PARVG: variants seen among roughly 807,000 people sequenced by gnomAD.
The protein encoded by PARVG is gamma-parvin.
PARVG carries 36 observed loss-of-function variants against 44.4 expected under a neutral mutation model. That is an observed-to-expected ratio of 0.81 (90% CI 0.62 to 1.07). PARVG has a LOEUF of 1.07. Among genes scored for constraint, PARVG ranks in the 50% least tolerant of loss-of-function variants. PARVG has a pLI of 0.00. For missense variants in PARVG, 407 were observed against 407.4 expected, an observed-to-expected ratio of 1.00 and a Z score of 0.01; for synonymous variants, 170 against 174.1, an observed-to-expected ratio of 0.98 and a Z score of 0.19.
chr22:44,175,419 G>A (rs909065730), intron 1 of PARVG, among the ~76,000 whole-genome samples: 3 of 152,246 alleles, frequency 2.0e-5, no homozygotes, highest in African/African-American at 4.8e-5. Context: ...AGGAATCCCC[G>A]GCCACCGCAG....
Position 44,194,617 on chromosome 22 carries a change from A to G in PARVG, c.583+794A>G, listed in dbSNP as rs141033061. Among the ~76,000 whole-genome samples, 851 of 148,024 alleles carry G rather than the reference A, an allele frequency of 5.7e-3. 4 individuals are homozygous for G. Among genetic ancestry groups the G allele is most frequent in the African/African-American group, 0.02 (789 of 39,724 alleles). On this transcript the variant is annotated intron_variant, in intron 9 of 13. Transcript: ENST00000444313. ...CATGCCTCCATTCATCCATCCACCT[A>G]CCCATCCATCACCTGTCCATCCATC...
At chr22:44,190,691 T>G (rs766936558) in intron 7 of PARVG, 25 bp downstream of exon 7, 6 of 1,578,726 alleles carry the variant, frequency 3.8e-6, no homozygotes, top group Non-Finnish European at 5.2e-6. Flanking sequence ...CCCAGGGATT[T>G]GTAAGCAGAA....
chr22:44,206,726 TGTCACATCA>T lies in PARVG; in HGVS notation c.*304_*312del. The T allele has an allele frequency of 2.6e-6, 1 of 379,066 alleles. No individual in the cohort carries two copies. The highest frequency in any genetic ancestry group is 6.3e-5 in the East Asian group (1 of 15,786). The allele number at this position is 379,066 out of a possible 1,614,324, so 23.5% of individuals were successfully genotyped here. On this transcript the variant is annotated 3_prime_UTR_variant, in exon 14 of 14. Transcript: ENST00000444313. Reference sequence around the variant, plus strand: ...GCCTCCCTCCCATGGGGTGAGTGTGTGTCACATCAGTCTCTCATCTCTGGGCCCAGGCTA... The same window carrying T: ...GCCTCCCTCCCATGGGGTGAGTGTGTGTCTCTCATCTCTGGGCCCAGGCTA...
At chr22:44,177,100 C>T (rs2054326121), upstream of PARVG, among the ~76,000 whole-genome samples, 1 of 152,076 alleles carries the variant, frequency 6.6e-6, no homozygotes, top group Admixed American at 6.6e-5. Context: ...ACTATGTTTA[C>T]CTGGAGACTC....
At chr22:44,189,553 G>A (rs1014271551) in intron 6 of PARVG, among the ~76,000 whole-genome samples, 7 of 152,198 alleles carry the variant, frequency 4.6e-5, no homozygotes, top group Non-Finnish European at 1.0e-4. Context: ...TCCAAGTACC[G>A]TGGTCCGCCC....
At chr22:44,191,221 G>C (rs935268825) in intron 7 of PARVG, among the ~76,000 whole-genome samples, 1 of 151,920 alleles carries the variant, frequency 6.6e-6, no homozygotes, top group Non-Finnish European at 1.5e-5. Flanking sequence ...GACAGACTCT[G>C]AGCATCACAA....
intron 12 of PARVG, among the ~76,000 whole-genome samples, chr22:44,199,274 T>C (rs2054673192): frequency 6.6e-6 from 1 of 152,016 alleles, no homozygotes; most frequent in African/African-American, 2.4e-5. Flanking sequence ...TATGTCTGTC[T>C]GTCCATCCAT....
chr22:44,175,920 G>GCAC (rs2054314982), intron 1 of PARVG, among the ~76,000 whole-genome samples: 1 of 152,214 alleles, frequency 6.6e-6, no homozygotes, highest in Admixed American at 6.5e-5. Context: ...CCATGTGGCT[G>GCAC]GTCCTAACAG....
chr22:44,200,079 G>T (rs2054685767), intron 12 of PARVG, among the ~76,000 whole-genome samples: 1 of 152,164 alleles, frequency 6.6e-6, no homozygotes, highest in African/African-American at 2.4e-5. Flanking sequence ...GTGCCCGCTG[G>T]CTAGTCCTGC....
upstream of PARVG, among the ~76,000 whole-genome samples, chr22:44,178,667 A>G (rs139120): frequency 0.7 from 107,118 of 152,008 alleles, 38,488 homozygotes; most frequent in African/African-American, 0.83. Flanking sequence ...AGGACAACTG[A>G]CCTGGATGTT....
intron 4 of PARVG, 27 bp from the exon 5 acceptor site, chr22:44,187,749 C>T: frequency 6.2e-7 from 1 of 1,612,806 alleles, no homozygotes; most frequent in Non-Finnish European, 8.5e-7. Flanking sequence ...TCCATCCCCC[C>T]AAAAGTTGTC....
Position 44,206,381 on chromosome 22 carries a change from G to T in PARVG, c.951G>T (p.Thr317=). 1 of 1,614,038 alleles carries T rather than the reference G, an allele frequency of 6.2e-7. No individual in the cohort carries two copies. The highest frequency in any genetic ancestry group is 8.5e-7 in the Non-Finnish European group (1 of 1,179,984). The part of the protein sequence containing the change: ...RVLYGLFCKH[T]QKAHRDRTPH... ...TCTATGGTCTGTTCTGCAAGCACAC[G>T]CAGAAGGCACACAGGGACAGGACGC... Residue 317 remains threonine, a synonymous_variant, in exon 14 of 14, where the codon ACG becomes ACT. Transcript: ENST00000444313.
intron 8 of PARVG, among the ~76,000 whole-genome samples, chr22:44,193,046 G>A (rs1254755387): frequency 6.6e-6 from 1 of 152,210 alleles, no homozygotes; most frequent in East Asian, 1.9e-4. Context: ...CATGGTGTCT[G>A]TCTCTCCTGG....
chr22:44,183,249 G>C (rs2054410827), intron 2 of PARVG, 69 bp from the exon 3 acceptor site: 1 of 1,436,410 alleles, frequency 7.0e-7, no homozygotes, highest in South Asian at 1.3e-5. Context: ...CAGGTCTAGA[G>C]AAAATGAGGG....
chr22:44,184,959 A>G (rs1178041446), intron 3 of PARVG: 3 of 152,232 alleles, frequency 2.0e-5, no homozygotes, highest in Admixed American at 6.5e-5. Flanking sequence ...TTCAAGCGGC[A>G]AGAAGTCTGC....
At chr22:44,200,329 C>T (rs1056057730) in intron 12 of PARVG, among the ~76,000 whole-genome samples, 3 of 152,222 alleles carry the variant, frequency 2.0e-5, no homozygotes, top group African/African-American at 7.2e-5. Context: ...TGCTCTTCGC[C>T]ACCAGCTCCC....
intron 3 of PARVG, 153 bp from the exon 4 acceptor site, chr22:44,185,655 C>G: frequency 6.6e-6 from 4 of 607,482 alleles, no homozygotes; most frequent in Non-Finnish European, 1.2e-5. Context: ...AGCTGGTGTT[C>G]GTGAGGGAAA....
chr22:44,196,093 T>C (rs2147233265), intron 9 of PARVG, 62 bp from the exon 10 acceptor site: 1 of 1,595,346 alleles, frequency 6.3e-7, no homozygotes, highest in East Asian at 2.2e-5. Context: ...AAAAAAAAAT[T>C]CCCTGTTTGG....
rs1460261859 is a variant in PARVG, at chr22:44,182,376, C to A, written c.-13+459C>A. On this transcript the variant is annotated intron_variant, in intron 2 of 13. Coordinates refer to ENST00000444313, the MANE Select transcript of PARVG (RefSeq NM_022141.7). This position sits in a 1 kb window ranked among gnomAD's most constrained non-coding sequence, Gnocchi z 4.6. ...CCCAGGCCAGGCTCTTTCGTTTTCT[C>A]TGGCCATGGCCCTCAGCTTGGATAT... Among the ~76,000 whole-genome samples the A allele has an allele frequency of 6.6e-6, 1 of 152,188 alleles. No individual in the cohort carries two copies. Among genetic ancestry groups the A allele is most frequent in the Non-Finnish European group, 1.5e-5 (1 of 68,038 alleles).
Sources: allele counts gnomAD v4.1 joint callset (sites outside exome capture counted in the v4.1 genomes callset), GRCh38; gene constraint gnomAD v4.1.1; non-coding constraint Gnocchi (gnomAD v3.1); transcripts MANE v1.5; gene names NCBI Gene and HGNC (gene_info 2026-07-23, HGNC 2026-07-21).